The following PLEC variants were observed in gnomAD, a reference collection of about 807,000 sequenced individuals.
PLEC encodes the protein hemidesmosomal protein 1.
PLEC carries 216 observed loss-of-function variants against 392.8 expected under a neutral mutation model. The ratio of observed to expected loss-of-function variants is 0.55; its 90% CI spans 0.49 to 0.62. PLEC has a LOEUF of 0.62. Among genes scored for constraint, PLEC ranks in the 20% least tolerant of loss-of-function variants. The pLI, the probability that PLEC is intolerant of heterozygous loss-of-function variation, is 0.00. For missense variants in PLEC, 6,863 were observed against 6,563.4 expected (o/e 1.05, Z -1.58); for synonymous variants, 3,621 against 2,980.6 (o/e 1.21, Z -7.00).
In PLEC at chr8:143,927,401, C is replaced by G; in HGVS notation, c.3756+9G>C. ...CCCAGCCGCCCCGTCCCCACCGACC[C>G]AAGCCCACCTGCTCCTGCCGCAGCT... On this transcript the variant is annotated intron_variant, in intron 27 of 31. Transcript: ENST00000345136. 6.2e-7 allele frequency: 1 copy of G among 1,607,258 alleles called. No individual in the cohort carries two copies. Among genetic ancestry groups the G allele is most frequent in the Non-Finnish European group, 8.5e-7 (1 of 1,179,376 alleles).
chr8:143,929,463 A>G lies in PLEC; in HGVS notation c.3032T>C (p.Leu1011Pro). 1 of 1,596,194 alleles carries G rather than the reference A, an allele frequency of 6.3e-7. No individual in the cohort carries two copies. Among genetic ancestry groups the G allele is most frequent in the Non-Finnish European group, 8.5e-7 (1 of 1,172,926 alleles). ...ACACTCCCGTGCCGGCTCTTTGTCC[A>G]GCGGCAGCCGCAGGCGGTGCACGGT... is the stretch of plus-strand genomic sequence containing the variant. ...TRTVHRLRLP[L>P]DKEPARECAQ... Residue 1011 changes from leucine to proline, a missense_variant, in exon 24 of 32, where the codon CTG (leucine) becomes CCG (proline). By Grantham distance (98) the Leu-to-Pro change is moderately conservative (BLOSUM62 -3). Coordinates refer to ENST00000345136, the MANE Select transcript of PLEC (RefSeq NM_201384.3).
At position 143,946,598 on chromosome 8, in the gene PLEC, C is replaced by T. The variant is rs1468105445; in HGVS notation, c.523+3586G>A. On this transcript the variant is annotated intron_variant, in intron 1 of 31. Transcript: ENST00000322810. Reference sequence around the variant, plus strand: ...AGCCCAGCAGACCTGCCTGGGGGTGCAGGGGACTGGCCTGCCTGCAATCCC... The same window carrying T: ...AGCCCAGCAGACCTGCCTGGGGGTGTAGGGGACTGGCCTGCCTGCAATCCC... The T allele has an allele frequency of 9.0e-6, 3 of 334,508 alleles. No homozygotes were observed. The East Asian group carries it at 2.9e-4, about 32-fold the overall frequency. The allele number at this position is 334,508 out of a possible 1,614,324, so 20.7% of individuals were successfully genotyped here.
upstream of PLEC, chr8:143,950,924 AC>A (rs1832084433): frequency 3.1e-6 from 3 of 982,564 alleles, no homozygotes; most frequent in South Asian, 3.6e-5. Flanking sequence ...CCCTGCCGGC[AC>A]TGCCGGCTGC....
chr8:143,957,075 G>A (rs894531545), upstream of PLEC, among the ~76,000 whole-genome samples: 6 of 152,146 alleles, frequency 3.9e-5, no homozygotes, highest in Non-Finnish European at 7.4e-5. Flanking sequence ...GGAGGGGGGC[G>A]CCTGGAGACG....
upstream of PLEC, chr8:143,942,525 G>A (rs566054656): frequency 4.5e-6 from 7 of 1,561,180 alleles, no homozygotes; most frequent in African/African-American, 8.1e-5. Flanking sequence ...TGCCGGCCAC[G>A]GCCGGAGCCC....
Position 143,934,073 on chromosome 8 carries a change from G to T in PLEC, c.1188C>A (p.Arg396=), listed in dbSNP as rs528993219. ...CCTCCATCTGCAGCTTGGTCACGAT[G>T]CGCTGAAGACACTCCAGCCTGCAGC... ...SEFERLECLQ[R]IVTKLQMEAG... Residue 396 remains arginine (R), a synonymous_variant, in exon 12 of 32, where the codon CGC becomes CGA. Transcript: ENST00000345136. The T allele has an allele frequency of 1.3e-5, 21 of 1,611,712 alleles. 1 individual carries two copies. In the South Asian group the frequency reaches 2.3e-4, roughly 18 times the overall value.
chr8:143,923,780 T>C lies in PLEC; in HGVS notation c.6149A>G (p.Glu2050Gly), dbSNP rs782612083. Residue 2050 changes from glutamate (E) to glycine (G), a missense_variant, in exon 31 of 32, where the codon GAA becomes GGA. Transcript: ENST00000345136. ...CACCGCGAAGGCGTGTGCCTTCTCTTCCGCCTGCAGCCGCTTCTGGGCGGC... is the reference window on the plus strand; with the variant it reads ...CACCGCGAAGGCGTGTGCCTTCTCTCCCGCCTGCAGCCGCTTCTGGGCGGC... ...QEAAQKRLQA[E>G]EKAHAFAVQQ... 2.0e-5 allele frequency: 32 copies of C among 1,572,176 alleles called. No homozygotes were observed. Among genetic ancestry groups the C allele is most frequent in the Non-Finnish European group, 2.6e-5 (30 of 1,167,186 alleles).
intron 19 of PLEC, 33 bp from the exon 20 acceptor site, chr8:143,930,569 C>T: frequency 4.5e-6 from 7 of 1,561,766 alleles, no homozygotes; most frequent in Non-Finnish European, 5.2e-6. Context: ...AGACGAGGGC[C>T]ATGGAGACCC....
chr8:143,955,278 A>T (rs1459101057), upstream of PLEC, among the ~76,000 whole-genome samples: 1 of 152,158 alleles, frequency 6.6e-6, no homozygotes, highest in Non-Finnish European at 1.5e-5. Context: ...GGAGTTTGAG[A>T]CCAGCCTGGC....
rs781886606 is a variant in PLEC at position 143,933,091 on chromosome 8, C to G, written c.1439G>C (p.Arg480Pro). 6.3e-7 allele frequency: 1 copy of G among 1,590,208 alleles called. No individual in the cohort carries two copies. The highest frequency in any genetic ancestry group is 8.5e-7 in the Non-Finnish European group (1 of 1,170,900). ...MYRRVYRLHE[R>P]LVAIRTEYNL... ...GTACTCGGTGCGGATGGCTACCAGG[C>G]GCTCGTGCAGACGGTACACCCTGGG... is the stretch of plus-strand genomic sequence containing the variant. The change falls in exon 14 of 32, where the codon CGC becomes CCC. Residue 480 changes from arginine to proline, a missense_variant. Transcript: ENST00000345136.
intron 1 of PLEC, among the ~76,000 whole-genome samples, chr8:143,967,987 G>C (rs1833199084): frequency 6.6e-6 from 1 of 152,022 alleles, no homozygotes. Context: ...AATTAGCCAG[G>C]TGTGGTGGCG....
At chr8:143,968,895 C>T (rs376450049) in intron 1 of PLEC, among the ~76,000 whole-genome samples, 3 of 152,144 alleles carry the variant, frequency 2.0e-5, no homozygotes, top group South Asian at 2.1e-4. Flanking sequence ...ACCTCGCACC[C>T]GGCTGTTACT....
rs782262121 is a variant in PLEC, at chr8:143,924,991, C to T, written c.4938G>A (p.Leu1646=). Residue 1646 remains leucine, a synonymous_variant, in exon 31 of 32, where the codon CTG becomes CTA. Coordinates refer to ENST00000345136, the MANE Select transcript of PLEC (RefSeq NM_201384.3). ...LKANEALRLR[L]QAEEVAQQKS... ...TCTGCTGCGCCACCTCCTCCGCCTG[C>T]AGCCGCAGCCGTAGCGCCTCGTTGG... 1.9e-6 allele frequency: 3 copies of T among 1,577,156 alleles called. No homozygotes were observed. In the South Asian group the frequency reaches 3.4e-5, roughly 18 times the overall value.
Position 143,923,146 on chromosome 8 carries a change from A to G in PLEC, c.6783T>C (p.Asn2261=), listed in dbSNP as rs1554691470. ...NRALILRDKD[N]TQRFLQEEAE... The stretch of plus-strand genomic sequence containing the variant: ...CCTCCTCCTGCAGGAAGCGCTGCGT[A>G]TTGTCCTTGTCACGCAAGATGAGTG... The change falls in exon 31 of 32, where the codon AAT becomes AAC. Residue 2261 remains asparagine (N), a synonymous_variant. Coordinates refer to ENST00000345136, the MANE Select transcript of PLEC (RefSeq NM_201384.3). 12 of 1,602,352 alleles carry G rather than the reference A, an allele frequency of 7.5e-6. No homozygotes were observed. The highest frequency in any genetic ancestry group is 2.2e-5 in the East Asian group (1 of 44,786).
At position 143,973,186 on chromosome 8, in the gene PLEC, G is replaced by T. The variant is rs543854572; in HGVS notation, c.70+217C>A. Among the ~76,000 whole-genome samples, 1 of 138,780 alleles carries T rather than the reference G, an allele frequency of 7.2e-6. No individual in the cohort carries two copies. The allele number at this position is 138,780 out of a possible 152,430, so 91.0% of individuals were successfully genotyped here. On this transcript the variant is annotated intron_variant, in intron 1 of 31. Transcript: ENST00000356346. The surrounding 1 kb of genome is among the most constrained non-coding windows in gnomAD (Gnocchi z 5.6). ...GCGGCCCACCCCACCCACCCGAGCC[G>T]CGCGATGCCCTATTAAGGGCATGGC...
chr8:143,916,574 G>C lies in PLEC; in HGVS notation c.13247C>G (p.Thr4416Arg). The C allele has an allele frequency of 6.2e-7, 1 of 1,611,506 alleles. No individual in the cohort carries two copies. Among genetic ancestry groups the C allele is most frequent in the Non-Finnish European group, 8.5e-7 (1 of 1,179,562 alleles). The change falls in exon 32 of 32, where the codon ACG (threonine) becomes AGG (arginine). Residue 4416 changes from threonine (T) to arginine (R), a missense_variant. Transcript: ENST00000345136. ...CTTCTGTGCGGTGCGGGCGTCCACC[G>C]TGCCGCGCTGCAGGGCCTCGTCCAG... is the stretch of plus-strand genomic sequence containing the variant. ...VPLDEALQRG[T>R]VDARTAQKLR...
In PLEC at chr8:143,921,297, C is replaced by G; in HGVS notation, c.8524G>C (p.Val2842Leu). The G allele has an allele frequency of 6.2e-7, 1 of 1,614,040 alleles. No homozygotes were observed. The part of the protein sequence containing the change: ...RGYFDEEMNR[V>L]LADPSDDTKG... ...GTGTCGTCGCTGGGGTCCGCCAGGA[C>G]GCGGTTCATCTCCTCGTCGAAGTAG... Residue 2842 changes from valine (V) to leucine (L), a missense_variant, in exon 32 of 32, where the codon GTC becomes CTC. Physicochemically the swap from Val to Leu is conservative, Grantham distance 32. Transcript: ENST00000345136.
Position 143,916,339 on chromosome 8 carries a change from G to C in PLEC, c.13482C>G (p.Arg4494=), listed in dbSNP as rs782635523. The C allele has an allele frequency of 4.7e-5, 75 of 1,599,048 alleles. No homozygotes were observed. The highest frequency in any genetic ancestry group is 3.1e-4 in the Admixed American group (18 of 58,840). The change falls in exon 32 of 32, where the codon CGC becomes CGG. Residue 4494 remains arginine, a synonymous_variant. Transcript: ENST00000345136. ...GGCGGGAGCCGGCCCGGGAGCCGGT[G>C]CGCGAGCCGGTGCGGGAGCCAGCGG... ...GSTAGSRTGS[R]TGSRAGSRRG...
rs1352989797 is a variant in PLEC, at chr8:143,915,968, T to A, written c.*209A>T. The A allele has an allele frequency of 4.6e-6, 2 of 438,834 alleles. No individual in the cohort carries two copies. The highest frequency in any genetic ancestry group is 7.8e-5 in the East Asian group (2 of 25,758). The allele number at this position is 438,834 out of a possible 1,614,324, so 27.2% of individuals were successfully genotyped here. A position where few individuals can be genotyped will look rare whatever the true frequency, so the allele number is the denominator to read the frequency against. The stretch of plus-strand genomic sequence containing the variant: ...AAGGGAGTGAGGAGACCCGAGGGGG[T>A]GAGGCGGCCAGCAGGGCTGGGCCAG... On this transcript the variant is annotated 3_prime_UTR_variant, in exon 32 of 32. Coordinates refer to ENST00000345136, the MANE Select transcript of PLEC (RefSeq NM_201384.3).
Sources: allele counts gnomAD v4.1 joint callset (sites outside exome capture counted in the v4.1 genomes callset), GRCh38; gene constraint gnomAD v4.1.1; non-coding constraint Gnocchi (gnomAD v3.1); transcripts MANE v1.5; gene names NCBI Gene and HGNC (gene_info 2026-07-23, HGNC 2026-07-21).